The following COL8A2 variants were observed in gnomAD, a reference collection of about 807,000 sequenced individuals.
COL8A2 encodes collagen type VIII alpha 2 chain.
Under a neutral mutation model 24.0 loss-of-function variants are expected in COL8A2, and 16 were observed. The observed-to-expected ratio is 0.67, with a 90% CI of 0.45 to 1.01. The LOEUF (loss-of-function observed/expected upper bound fraction) is 1.01, where lower values mean the gene tolerates loss of function less well. Among genes scored for constraint, COL8A2 ranks in the 50% least tolerant of loss-of-function variants. The pLI, the probability that COL8A2 is intolerant of heterozygous loss-of-function variation, is 0.00. For missense variants in COL8A2, 818 were observed against 942.4 expected (o/e 0.87, Z 1.73); for synonymous variants, 466 against 424.5 (o/e 1.10, Z -1.20).
At chr1:36,116,531 C>T (rs766218266) in intron 1 of COL8A2, among the ~76,000 whole-genome samples, 7 of 152,226 alleles carry the variant, frequency 4.6e-5, no homozygotes, top group African/African-American at 7.2e-5. Context: ...CCCTGCCTTG[C>T]CCTGAAGGGC....
At chr1:36,106,170 T>C (rs1643757341) in intron 2 of COL8A2, among the ~76,000 whole-genome samples, 1 of 150,798 alleles carries the variant, frequency 6.6e-6, no homozygotes. Flanking sequence ...AAGCTGAGGC[T>C]GGAGAATCAC....
rs577983925 is a variant in COL8A2, at chr1:36,099,444, G to T, written c.237C>A (p.Pro79=). ...PLLPMDLKGE[P]GPPGKPGPRG... ...GAGGCCCGGGCTTCCCAGGGGGGCC[G>T]GGCTCTCCCTTCAGGTCCATCGGCA... is the stretch of plus-strand genomic sequence containing the variant. Residue 79 remains proline, a synonymous_variant, in exon 4 of 4, where the codon CCC becomes CCA. Transcript: ENST00000397799. 1 of 1,544,946 alleles carries T rather than the reference G, an allele frequency of 6.5e-7. No individual in the cohort carries two copies. The highest frequency in any genetic ancestry group is 8.7e-7 in the Non-Finnish European group (1 of 1,150,418).
Position 36,098,001 on chromosome 1 carries a change from G to A in COL8A2, c.1680C>T (p.Gly560=). ...GVEGAVLGKG[G]KPQFGLGELS... ...GCTCGCCCAGCCCAAACTGTGGCTT[G>A]CCCCCCTTGCCCAGCACGGCACCCT... is the stretch of plus-strand genomic sequence containing the variant. The change falls in exon 4 of 4, where the codon GGC becomes GGT. Residue 560 remains glycine, a synonymous_variant. Coordinates refer to ENST00000397799, the MANE Select transcript of COL8A2 (RefSeq NM_005202.4). 1.0e-5 allele frequency: 16 copies of A among 1,591,496 alleles called. No individual in the cohort carries two copies. The highest frequency in any genetic ancestry group is 1.4e-5 in the Non-Finnish European group (16 of 1,174,140).
rs1458466901 is a variant in COL8A2, at chr1:36,099,387, T to C, written c.294A>G (p.Gly98=). The change falls in exon 4 of 4, where the codon GGA becomes GGG. Residue 98 remains glycine, a synonymous_variant. Coordinates refer to ENST00000397799, the MANE Select transcript of COL8A2 (RefSeq NM_005202.4). ...RGPPGPPGFP[G]KPGMGKPGLH... ...GTCCTGGCTTTCCCATGCCTGGTTT[T>C]CCTGGGAAGCCAGGGGGGCCAGGGG... 3.2e-6 allele frequency: 5 copies of C among 1,556,418 alleles called. No homozygotes were observed. Among genetic ancestry groups the C allele is most frequent in the Non-Finnish European group, 3.5e-6 (4 of 1,154,600 alleles).
intron 2 of COL8A2, among the ~76,000 whole-genome samples, chr1:36,103,261 A>G (rs978270060): frequency 7.2e-5 from 11 of 151,858 alleles, no homozygotes; most frequent in African/African-American, 2.4e-4. Context: ...CACCATGCCC[A>G]GCCAGAAAGT....
At chr1:36,099,697 A>G (rs2124075572) in intron 3 of COL8A2, among the ~76,000 whole-genome samples, 1 of 152,112 alleles carries the variant, frequency 6.6e-6, no homozygotes, top group Non-Finnish European at 1.5e-5. Flanking sequence ...CTAACACCCA[A>G]CCTACCTAGG....
At chr1:36,102,912 A>C (rs1220749353) in intron 2 of COL8A2, among the ~76,000 whole-genome samples, 1 of 151,938 alleles carries the variant, frequency 6.6e-6, no homozygotes, top group Admixed American at 6.6e-5. Context: ...ACCTCTAGCG[A>C]TCCGCCTGCC....
rs754887303 is a variant in COL8A2, at chr1:36,100,198, TAGC to T, written c.42_44del (p.Leu16del). The stretch of plus-strand genomic sequence containing the variant: ...GCCCACACCCCAGCACCAGCACCAG[TAGC>T]AGCAGCAGCAGCGAAGACAGGGGTG... On this transcript the variant is annotated inframe_deletion, in exon 3 of 4. Transcript: ENST00000397799. 12 of 1,600,596 alleles carry T rather than the reference TAGC, an allele frequency of 7.5e-6. No individual in the cohort carries two copies. Among genetic ancestry groups the T allele is most frequent in the Admixed American group, 5.2e-5 (3 of 57,934 alleles).
chr1:36,104,545 C>T (rs1323628957), intron 2 of COL8A2, among the ~76,000 whole-genome samples: 1 of 149,740 alleles, frequency 6.7e-6, no homozygotes, highest in Non-Finnish European at 1.5e-5. Flanking sequence ...CGGTGGCTCA[C>T]ACCTGTAATC....
Position 36,099,214 on chromosome 1 carries a change from C to T in COL8A2, c.467G>A (p.Gly156Glu). 1 of 1,534,516 alleles carries T rather than the reference C, an allele frequency of 6.5e-7. No homozygotes were observed. Among genetic ancestry groups the T allele is most frequent in the Non-Finnish European group, 8.8e-7 (1 of 1,139,246 alleles). Residue 156 changes from glycine (G) to glutamate (E), a missense_variant, in exon 4 of 4, where the codon GGA becomes GAA. Coordinates refer to ENST00000397799, the MANE Select transcript of COL8A2 (RefSeq NM_005202.4). ...PGIRGDQGLR[G>E]PPGPPGLPGP... ...CGGGAGGCCAGGGGGTCCTGGGGGT[C>T]CCCGGAGGCCCTGGTCCCCTCGTAT...
chr1:36,112,383 T>G (rs1643855661), intron 2 of COL8A2, among the ~76,000 whole-genome samples: 1 of 152,154 alleles, frequency 6.6e-6, no homozygotes, highest in South Asian at 2.1e-4. Flanking sequence ...TACCCCTCTT[T>G]TCAGCCAACT....
In COL8A2 at chr1:36,115,661, C is replaced by T; in HGVS notation, c.-17+47G>A. ...GTTAGACAGCAATGAACACAGGCCT[C>T]ATCTGGCCTGAGATATCAGAAAACC... is the stretch of plus-strand genomic sequence containing the variant. On this transcript the variant is annotated intron_variant, in intron 2 of 3. Transcript: ENST00000397799. This position sits in a 1 kb window ranked among gnomAD's most constrained non-coding sequence, Gnocchi z 5.7. 1 of 953,806 alleles carries T rather than the reference C, an allele frequency of 1.0e-6. No homozygotes were observed. Among genetic ancestry groups the T allele is most frequent in the Middle Eastern group, 5.4e-4 (1 of 1,860 alleles). 59.1% of individuals were successfully genotyped at this position (953,806 alleles called of 1,614,324 possible).
chr1:36,096,217 C>T lies in COL8A2; in HGVS notation c.*1352G>A, dbSNP rs575013023. 8.5e-5 allele frequency: 13 copies of T among 152,428 alleles called. No individual in the cohort carries two copies. The highest frequency in any genetic ancestry group is 3.1e-4 in the African/African-American group (13 of 41,592). 9.4% of individuals were successfully genotyped at this position (152,428 alleles called of 1,614,324 possible). ...TCTTTGCACGAGCAGGAATGTCCAC[C>T]ACTCCCAGCACTCATCTCAGCCTTA... On this transcript the variant is annotated 3_prime_UTR_variant, in exon 4 of 4. Transcript: ENST00000397799.
At chr1:36,116,984 A>G (rs1296508621) in intron 1 of COL8A2, among the ~76,000 whole-genome samples, 1 of 152,220 alleles carries the variant, frequency 6.6e-6, no homozygotes, top group Non-Finnish European at 1.5e-5. Context: ...ATCCAGAGCT[A>G]AAGTCCAGAC....
intron 2 of COL8A2, among the ~76,000 whole-genome samples, chr1:36,111,743 T>C (rs1643843416): frequency 6.6e-5 from 10 of 151,716 alleles, no homozygotes; most frequent in Admixed American, 6.6e-4. Flanking sequence ...AGAGACAGGG[T>C]CTTGCCACGT....
At position 36,098,779 on chromosome 1, in the gene COL8A2, G is replaced by A. The variant is rs369455978; in HGVS notation, c.902C>T (p.Pro301Leu). The part of the protein sequence containing the change: ...PQGPSGAKGE[P>L]GTRGPPGLIG... Reference sequence around the variant, plus strand: ...CAGCCCAGGGGGGCCCCGGGTCCCTGGCTCCCCTTTGGCCCCTGATGGGCC... The same window carrying A: ...CAGCCCAGGGGGGCCCCGGGTCCCTAGCTCCCCTTTGGCCCCTGATGGGCC... The change falls in exon 4 of 4, where the codon CCA (proline) becomes CTA (leucine). Residue 301 changes from proline to leucine, a missense_variant. Physicochemically the swap from Pro to Leu is moderately conservative, Grantham distance 98 (BLOSUM62 -3). Transcript: ENST00000397799. 1 of 1,611,652 alleles carries A rather than the reference G, an allele frequency of 6.2e-7. No individual in the cohort carries two copies. The highest frequency in any genetic ancestry group is 2.2e-5 in the East Asian group (1 of 44,774).
intron 2 of COL8A2, among the ~76,000 whole-genome samples, chr1:36,105,079 G>A (rs915981286): frequency 6.6e-6 from 1 of 152,078 alleles, no homozygotes; most frequent in Non-Finnish European, 1.5e-5. Flanking sequence ...TGTGTGTGGG[G>A]AGAAGGCCTC....
intron 1 of COL8A2, 107 bp downstream of exon 1, chr1:36,124,950 C>T: frequency 2.8e-6 from 1 of 351,690 alleles, no homozygotes; most frequent in Non-Finnish European, 4.0e-6. Flanking sequence ...CCCCGGAGTC[C>T]GAGGCGCCGG....
chr1:36,099,403 G>A lies in COL8A2; in HGVS notation c.278C>T (p.Pro93Leu). The change falls in exon 4 of 4, where the codon CCC becomes CTC. Residue 93 changes from proline (P) to leucine (L), a missense_variant. Transcript: ENST00000397799. ...GCCTGGTTTTCCTGGGAAGCCAGGG[G>A]GGCCAGGGGGACCCCGAGGCCCGGG... ...GKPGPRGPPG[P>L]PGFPGKPGMG... 1.3e-6 allele frequency: 2 copies of A among 1,558,206 alleles called. No individual in the cohort carries two copies. Among genetic ancestry groups the A allele is most frequent in the East Asian group, 2.3e-5 (1 of 42,860 alleles).
Sources: allele counts gnomAD v4.1 joint callset (sites outside exome capture counted in the v4.1 genomes callset), GRCh38; gene constraint gnomAD v4.1.1; non-coding constraint Gnocchi (gnomAD v3.1); transcripts MANE v1.5; gene names NCBI Gene and HGNC (gene_info 2026-07-23, HGNC 2026-07-21).